CCPG1: variants seen among roughly 807,000 people sequenced by gnomAD.
The protein encoded by CCPG1 is cell cycle progression 1, also known as cell cycle progression protein 1.
CCPG1 carries 46 observed loss-of-function variants against 81.3 expected under a neutral mutation model. That is an observed-to-expected ratio of 0.57 (90% CI 0.45 to 0.72). CCPG1 has a LOEUF of 0.72. Among genes scored for constraint, CCPG1 ranks in the 30% least tolerant of loss-of-function variants. The pLI is 0.00. For synonymous variants in CCPG1, 330 were observed against 305.2 expected, an observed-to-expected ratio of 1.08 and a Z score of -0.85; for missense variants, 902 against 937.6, an observed-to-expected ratio of 0.96 and a Z score of 0.50.
At chr15:55,387,597 T>C (rs575532297) in intron 2 of CCPG1, among the ~76,000 whole-genome samples, 1 of 151,752 alleles carries the variant, frequency 6.6e-6, no homozygotes, top group Non-Finnish European at 1.5e-5. Context: ...CAGGCTGGAG[T>C]GCAATGGCAC....
At position 55,366,363 on chromosome 15, in the gene CCPG1, A is replaced by G. The variant is rs548357592; in HGVS notation, c.707-1054T>C. Among the ~76,000 whole-genome samples the G allele has an allele frequency of 9.9e-5, 15 of 152,222 alleles. No homozygotes were observed. The East Asian group carries it at 2.1e-3, about 22-fold the overall frequency. ...GGATACAACAAAGCCCAAAAAGTAC[A>G]GCACAGAAAATAATTGGCTAATGGT... is the stretch of plus-strand genomic sequence containing the variant. On this transcript the variant is annotated intron_variant, in intron 6 of 8. Transcript: ENST00000442196.
At chr15:55,379,192 G>GTGTGTGTGTGTGTGTGTC (rs2056629332) in intron 3 of CCPG1, among the ~76,000 whole-genome samples, 1 of 149,136 alleles carries the variant, frequency 6.7e-6, no homozygotes, top group African/African-American at 2.5e-5. Flanking sequence ...GTGTGTGTGT[G>GTGTGTGTGTGTGTGTGTC]TCTAAATGCC....
At position 55,382,439 on chromosome 15, in the gene CCPG1, A is replaced by G. The variant is rs2056717739; in HGVS notation, c.175+3161T>C. Among the ~76,000 whole-genome samples, 9 of 152,168 alleles carry G rather than the reference A, an allele frequency of 5.9e-5. No homozygotes were observed. The South Asian group carries it at 1.9e-3, about 32-fold the overall frequency. On this transcript the variant is annotated intron_variant, in intron 3 of 8. Coordinates refer to ENST00000442196, the MANE Select transcript of CCPG1 (RefSeq NM_001204450.2). ...AAACTACTTTCTTTGCTCATCCATA[A>G]GAAGCAACTCCTTATCTGTTCAAGT...
intron 1 of CCPG1, among the ~76,000 whole-genome samples, chr15:55,407,039 C>CG (rs1555411235): frequency 7.6e-6 from 1 of 131,384 alleles, no homozygotes; most frequent in African/African-American, 3.4e-5. Context: ...ACGTTGAGAC[C>CG]CCCCCCCCCG....
At chr15:55,384,858 G>A (rs1184973535) in intron 3 of CCPG1, among the ~76,000 whole-genome samples, 3 of 152,138 alleles carry the variant, frequency 2.0e-5, no homozygotes, top group Non-Finnish European at 4.4e-5. Flanking sequence ...TGAGAGGCAT[G>A]TCTGTAACTC....
At position 55,360,033 on chromosome 15, in the gene CCPG1, G is replaced by C. The variant is rs1283724866; in HGVS notation, c.1740C>G (p.Asn580Lys). 1.9e-6 allele frequency: 3 copies of C among 1,613,378 alleles called. No homozygotes were observed. The highest frequency in any genetic ancestry group is 1.7e-5 in the Admixed American group (1 of 59,940). ...GCATAGTAGGGCCTCTATTATGATG[G>C]TTTTCTGTAGGTGCCTTATACTGTG... ...LHPQYKAPTE[N>K]HHNRGPTMQN... The change falls in exon 8 of 9, where the codon AAC becomes AAG. Residue 580 changes from asparagine to lysine, a missense_variant. Asn to Lys is a moderately conservative substitution (Grantham distance 94). Around this residue, in one of 3 missense-constraint regions of CCPG1, gnomAD observed 746 missense variants for 728.6 expected, o/e 1.02. Coordinates refer to ENST00000442196, the MANE Select transcript of CCPG1 (RefSeq NM_001204450.2).
chr15:55,388,852 C>T (rs1257051970), intron 2 of CCPG1, among the ~76,000 whole-genome samples: 3 of 151,332 alleles, frequency 2.0e-5, no homozygotes, highest in African/African-American at 7.3e-5. Context: ...AGATGGATCA[C>T]GAGGTCAGGA....
At chr15:55,386,188 C>T (rs530750680) in intron 2 of CCPG1, among the ~76,000 whole-genome samples, 37 of 126,038 alleles carry the variant, frequency 2.9e-4, no homozygotes, top group Non-Finnish European at 4.1e-4. Context: ...AGCAAAATTC[C>T]GTCTCAAAAA....
chr15:55,359,093 T>C, intron 8 of CCPG1: 2 of 984,618 alleles, frequency 2.0e-6, no homozygotes, highest in Non-Finnish European at 2.4e-6. Context: ...CAAGTGAAAA[T>C]AGGTGGGACA....
chr15:55,369,653 C>A (rs556603625), intron 6 of CCPG1, among the ~76,000 whole-genome samples: 2 of 152,236 alleles, frequency 1.3e-5, no homozygotes, highest in South Asian at 4.1e-4. Context: ...AATATGTTAT[C>A]CAGGCTTTTC....
chr15:55,390,081 G>A (rs145393776), intron 1 of CCPG1, among the ~76,000 whole-genome samples: 5,876 of 152,140 alleles, frequency 0.039, 165 homozygotes, highest in Non-Finnish European at 0.051. Context: ...GTGCCACCAC[G>A]CCCCACTAAT....
chr15:55,401,303 G>A (rs1215907106), intron 1 of CCPG1, among the ~76,000 whole-genome samples: 2 of 152,038 alleles, frequency 1.3e-5, no homozygotes, highest in African/African-American at 2.4e-5. Flanking sequence ...CCACTACAAC[G>A]CTGGTTTAAT....
intron 7 of CCPG1, among the ~76,000 whole-genome samples, chr15:55,364,108 G>C (rs1439396504): frequency 6.7e-6 from 1 of 150,284 alleles, no homozygotes; most frequent in African/African-American, 2.4e-5. Context: ...ACCACACCCA[G>C]ACATAGCTTA....
intron 5 of CCPG1, chr15:55,372,703 T>C (rs2056478267): frequency 7.6e-6 from 2 of 261,864 alleles, no homozygotes; most frequent in African/African-American, 4.6e-5. Context: ...AAACAAGTAT[T>C]ATTTCTGGAA....
chr15:55,355,253 C>T lies in CCPG1; in HGVS notation c.*967G>A. On this transcript the variant is annotated 3_prime_UTR_variant, in exon 9 of 9. Coordinates refer to ENST00000442196, the MANE Select transcript of CCPG1 (RefSeq NM_001204450.2). ...TGAAACAGTACTCAGCAAAATGTAG[C>T]CTTTATTTACTTAAACATTTATTTG... is the stretch of plus-strand genomic sequence containing the variant. 5.1e-6 allele frequency: 8 copies of T among 1,554,986 alleles called. No individual in the cohort carries two copies. The highest frequency in any genetic ancestry group is 7.0e-6 in the Non-Finnish European group (8 of 1,136,464).
At chr15:55,406,450 G>GC (rs1555411149) in intron 1 of CCPG1, among the ~76,000 whole-genome samples, 1 of 89,046 alleles carries the variant, frequency 1.1e-5, no homozygotes, top group African/African-American at 4.2e-5. Context: ...TTTTTTTTTT[G>GC]TTTTTTTTTT....
At chr15:55,386,814 G>A (rs1034760356) in intron 2 of CCPG1, among the ~76,000 whole-genome samples, 45 of 151,866 alleles carry the variant, frequency 3.0e-4, no homozygotes, top group African/African-American at 1.0e-3. Flanking sequence ...GGAGAATGGC[G>A]TGAACCGATG....
At chr15:55,363,663 T>C (rs903509228) in intron 7 of CCPG1, among the ~76,000 whole-genome samples, 2 of 150,632 alleles carry the variant, frequency 1.3e-5, no homozygotes, top group Non-Finnish European at 3.0e-5. Flanking sequence ...CCCTGAAAGA[T>C]ACAATTTAGT....
chr15:55,406,850 T>C (rs2057235194), intron 1 of CCPG1, among the ~76,000 whole-genome samples: 1 of 152,226 alleles, frequency 6.6e-6, no homozygotes. Context: ...CCCACACCTT[T>C]AAATTGTATT....
Sources: allele counts gnomAD v4.1 joint callset (sites outside exome capture counted in the v4.1 genomes callset), GRCh38; gene constraint gnomAD v4.1.1; regional missense constraint gnomAD v4.1.1; transcripts MANE v1.5; gene names NCBI Gene and HGNC (gene_info 2026-07-23, HGNC 2026-07-21).